Variants in PKP4 observed in about 807,000 individuals in gnomAD.
PKP4 encodes plakophilin-4.
Under a neutral mutation model 145.1 loss-of-function variants are expected in PKP4, and 90 were observed. The observed-to-expected ratio is 0.62, with a 90% CI of 0.52 to 0.74. The LOEUF is 0.74. Ranked by LOEUF, PKP4 falls within the 30% of genes least tolerant of loss-of-function variation. The pLI, the probability that PKP4 is intolerant of heterozygous loss-of-function variation, is 0.00. For missense variants in PKP4, 1,340 were observed against 1,482.7 expected, an observed-to-expected ratio of 0.90 and a Z score of 1.58; for synonymous variants, 563 against 577.2, an observed-to-expected ratio of 0.98 and a Z score of 0.35.
At chr2:158,579,161 C>T (rs193237412) in intron 3 of PKP4, among the ~76,000 whole-genome samples, 2 of 152,224 alleles carry the variant, frequency 1.3e-5, no homozygotes, top group African/African-American at 4.8e-5. Context: ...AATGGCACCA[C>T]TAAAGATGAG....
chr2:158,643,791 A>G (rs1185562938), intron 11 of PKP4, among the ~76,000 whole-genome samples: 1 of 151,416 alleles, frequency 6.6e-6, no homozygotes, highest in Non-Finnish European at 1.5e-5. Flanking sequence ...TTTTAGACGG[A>G]GTCTTGCTCT....
chr2:158,669,753 TC>T lies in PKP4; in HGVS notation c.2766del (p.Gly923AlafsTer40). ...GCCATGCGAGACCTGGTCAACCGGCTCCCCGGCGGCAATGGCCCCAGTGTCT... is the reference window on the plus strand; with the variant it reads ...GCCATGCGAGACCTGGTCAACCGGCTCCCGGCGGCAATGGCCCCAGTGTCT... ...KYAMRDLVNR[L>X]PGGNGPSVLS... On this transcript the variant is annotated frameshift_variant, in exon 17 of 22. Transcript: ENST00000389759. LOFTEE classifies it high-confidence loss of function. The T allele has an allele frequency of 6.2e-7, 1 of 1,601,860 alleles. No individual in the cohort carries two copies. Among genetic ancestry groups the T allele is most frequent in the Non-Finnish European group, 8.5e-7 (1 of 1,171,762 alleles).
chr2:158,488,803 A>G (rs1411360691), intron 1 of PKP4, among the ~76,000 whole-genome samples: 2 of 152,214 alleles, frequency 1.3e-5, no homozygotes, highest in African/African-American at 4.8e-5. Flanking sequence ...GATTGTTGAT[A>G]GTGTTCAGGA....
intron 3 of PKP4, among the ~76,000 whole-genome samples, chr2:158,594,194 G>A (rs753553191): frequency 1.2e-4 from 18 of 152,148 alleles, no homozygotes; most frequent in African/African-American, 2.2e-4. Flanking sequence ...AGCCTCACTG[G>A]TGGAAGGCAA....
chr2:158,460,005 AT>A (rs1323591009), intron 1 of PKP4, among the ~76,000 whole-genome samples: 1 of 152,116 alleles, frequency 6.6e-6, no homozygotes, highest in Non-Finnish European at 1.5e-5. Context: ...ACCCCCTACT[AT>A]TATGTAAGGA....
intron 1 of PKP4, among the ~76,000 whole-genome samples, chr2:158,459,789 T>TCACACACA (rs3047993): frequency 9.4e-5 from 14 of 148,714 alleles, no homozygotes; most frequent in African/African-American, 3.2e-4. Flanking sequence ...GATGTATGGA[T>TCACACACA]CACACACACA....
At position 158,631,905 on chromosome 2, in the gene PKP4, C is replaced by A. The variant is rs2053399595; in HGVS notation, c.1306C>A (p.Gln436Lys). 1.2e-6 allele frequency: 2 copies of A among 1,613,952 alleles called. No homozygotes were observed. The highest frequency in any genetic ancestry group is 1.7e-6 in the Non-Finnish European group (2 of 1,180,018). Residue 436 changes from glutamine to lysine, a missense_variant, in exon 8 of 22, where the codon CAA (glutamine) becomes AAA (lysine). By Grantham distance (53) the Gln-to-Lys change is moderately conservative. Coordinates refer to ENST00000389759, the MANE Select transcript of PKP4 (RefSeq NM_003628.6). The stretch of plus-strand genomic sequence containing the variant: ...CCCAAACCATGGAACTGTGGAGCTC[C>A]AAGGATCGCAGACGGCGTTGTATCG... The part of the protein sequence containing the change: ...RSPNHGTVEL[Q>K]GSQTALYRTG...
In PKP4 at chr2:158,528,646, AAAAG is replaced by A. The variant is rs1406619389; in HGVS notation, c.-5-4530_-5-4527del. ...GAACTTAAAGTATAATAAAAAAAAA[AAAAG>A]AAAAGAAACTTACTAAATGAAAAAA... On this transcript the variant is annotated intron_variant, in intron 1 of 21. Coordinates refer to ENST00000389759, the MANE Select transcript of PKP4 (RefSeq NM_003628.6). Among the ~76,000 whole-genome samples, 1,101 of 139,514 alleles carry A rather than the reference AAAAG, an allele frequency of 7.9e-3. 9 individuals carry two copies. The highest frequency in any genetic ancestry group is 0.011 in the Non-Finnish European group (693 of 65,400). The allele number at this position is 139,514 out of a possible 152,430, so 91.5% of individuals were successfully genotyped here.
chr2:158,468,889 A>G (rs1691101888), intron 1 of PKP4, among the ~76,000 whole-genome samples: 1 of 148,690 alleles, frequency 6.7e-6, no homozygotes, highest in Non-Finnish European at 1.5e-5. Context: ...ACCCACTCGC[A>G]TCAGCCTCCT....
intron 1 of PKP4, among the ~76,000 whole-genome samples, chr2:158,473,192 A>G (rs950314815): frequency 3.3e-5 from 5 of 152,156 alleles, no homozygotes; most frequent in African/African-American, 1.2e-4. Context: ...AAAAGAGAAC[A>G]CTTATATACG....
chr2:158,531,053 G>A (rs1363160770), intron 1 of PKP4, among the ~76,000 whole-genome samples: 1 of 152,140 alleles, frequency 6.6e-6, no homozygotes, highest in Admixed American at 6.5e-5. Flanking sequence ...CCCTGGGAGA[G>A]TGGTACTCAG....
intron 1 of PKP4, among the ~76,000 whole-genome samples, chr2:158,501,065 G>A (rs988090340): frequency 6.6e-6 from 1 of 152,128 alleles, no homozygotes; most frequent in Non-Finnish European, 1.5e-5. Flanking sequence ...ACTTGGCAGG[G>A]ACAACAGGCA....
intron 4 of PKP4, among the ~76,000 whole-genome samples, 190 bp downstream of exon 4, chr2:158,603,294 C>G (rs2050378433): frequency 6.6e-6 from 1 of 152,028 alleles, no homozygotes; most frequent in Non-Finnish European, 1.5e-5. Flanking sequence ...TTGTGTATGT[C>G]AACTGTAATG....
At chr2:158,548,731 G>T in intron 2 of PKP4, 1 of 285,266 alleles carries the variant, frequency 3.5e-6, no homozygotes, top group South Asian at 4.2e-5. Context: ...TGGCCCATAA[G>T]TACTGACCAG....
chr2:158,562,676 T>TTTA (rs2046636943), intron 2 of PKP4, among the ~76,000 whole-genome samples: 1 of 152,204 alleles, frequency 6.6e-6, no homozygotes, highest in Non-Finnish European at 1.5e-5. Context: ...TCATCACCTG[T>TTTA]TTAAAATATC....
chr2:158,620,434 A>G (rs2052108022), intron 4 of PKP4, among the ~76,000 whole-genome samples: 6 of 152,210 alleles, frequency 3.9e-5, no homozygotes, highest in South Asian at 2.1e-4. Context: ...TATTCCTTTA[A>G]AAAAGGCTAA....
intron 4 of PKP4, among the ~76,000 whole-genome samples, chr2:158,615,787 G>A (rs575121736): frequency 2.6e-5 from 4 of 152,320 alleles, no homozygotes; most frequent in South Asian, 4.1e-4. Flanking sequence ...GATGCTTAAA[G>A]CAGAGTTTAA....
In PKP4 at chr2:158,658,330, C is replaced by A; in HGVS notation, c.2093+16C>A. On this transcript the variant is annotated intron_variant, in intron 12 of 21. Transcript: ENST00000389759. ...GTTGCCTAAGGTAAATTCTTTATTT[C>A]TTCTTTCCAGTTAATTCTGTGATTA... is the stretch of plus-strand genomic sequence containing the variant. 6.7e-7 allele frequency: 1 copy of A among 1,498,140 alleles called. No homozygotes were observed. The highest frequency in any genetic ancestry group is 2.3e-5 in the East Asian group (1 of 44,002). 92.8% of individuals were successfully genotyped at this position (1,498,140 alleles called of 1,614,324 possible).
chr2:158,521,243 A>G (rs2042346082), intron 1 of PKP4, among the ~76,000 whole-genome samples: 1 of 152,138 alleles, frequency 6.6e-6, no homozygotes, highest in Admixed American at 6.5e-5. Context: ...CCAAAATTTG[A>G]TACTGTTTTG....
Sources: gnomAD v4.1 joint callset for allele counts (sites outside exome capture counted in the v4.1 genomes callset) on GRCh38, gnomAD v4.1.1 for gene constraint, MANE v1.5 for transcripts, NCBI Gene and HGNC (gene_info 2026-07-23, HGNC 2026-07-21) for gene names.